Variants in ADCY6 observed in about 807,000 individuals in gnomAD.
ADCY6 encodes adenylate cyclase type 6.
Under a neutral mutation model 111.6 loss-of-function variants are expected in ADCY6, and 59 were observed. The ratio of observed to expected loss-of-function variants is 0.53; its 90% CI spans 0.43 to 0.66. The LOEUF (loss-of-function observed/expected upper bound fraction) is 0.66. ADCY6 is among the 30% of genes least tolerant of loss of function. The pLI is 0.00. For synonymous variants in ADCY6, 576 were observed against 642.9 expected, an observed-to-expected ratio of 0.90 and a Z score of 1.57; for missense variants, 1,242 against 1,595.6, an observed-to-expected ratio of 0.78 and a Z score of 3.78.
Position 48,773,540 on chromosome 12 carries a change from CA to C in ADCY6, c.2549del (p.Leu850TrpfsTer48). The part of the protein sequence containing the change: ...AMIFVLGLIY[L>X]VLLLLGPPAT... ...CTGGGGGACCCAGCAGAAGCAGCAC[CA>C]AATAGATGAGCCCCAAGACAAAGAT... On this transcript the variant is annotated frameshift_variant, in exon 16 of 22. Transcript: ENST00000357869. LOFTEE classifies it high-confidence loss of function. The C allele has an allele frequency of 6.2e-7, 1 of 1,614,086 alleles. No homozygotes were observed. Among genetic ancestry groups the C allele is most frequent in the East Asian group, 2.2e-5 (1 of 44,876 alleles).
intron 2 of ADCY6, among the ~76,000 whole-genome samples, chr12:48,778,872 ATT>A (rs1037254707): frequency 2.2e-4 from 16 of 72,412 alleles, no homozygotes; most frequent in African/African-American, 4.2e-4. Flanking sequence ...TGAATAACAC[ATT>A]TTTTTTTTTT....
rs1484139082 is a variant in ADCY6 at position 48,772,329 on chromosome 12, G to A, written c.2753C>T (p.Ser918Leu). The A allele has an allele frequency of 3.1e-6, 5 of 1,613,998 alleles. No homozygotes were observed. The highest frequency in any genetic ancestry group is 2.2e-5 in the East Asian group (1 of 44,878). The change falls in exon 18 of 22, where the codon TCG becomes TTG. Residue 918 changes from serine (S) to leucine (L), a missense_variant. Physicochemically the swap from Ser to Leu is moderately radical, Grantham distance 145 (BLOSUM62 -2). Around this residue, in one of 4 missense-constraint regions of ADCY6, gnomAD observed 245 missense variants for 371.3 expected, o/e 0.66. Transcript: ENST00000357869. The stretch of plus-strand genomic sequence containing the variant: ...CCAGAGGAAGTCTAGGCGGGCAGTC[G>A]ACTCCACCTGCTGAGCATGCAGATA... ...ALYLHAQQVESTARLDFLWKL... is the reference protein window; with the variant it reads ...ALYLHAQQVELTARLDFLWKL...
rs1292872469 is a variant in ADCY6, at chr12:48,777,383, C to A, written c.1248+27G>T. The stretch of plus-strand genomic sequence containing the variant: ...GCTCTCACCACGGTCAACACCCAGG[C>A]CCAATCCCAAGGCCCAGCACCCTCA... On this transcript the variant is annotated intron_variant, in intron 5 of 21. Coordinates refer to ENST00000357869, the MANE Select transcript of ADCY6 (RefSeq NM_015270.5). The surrounding 1 kb of genome is among the most constrained non-coding windows in gnomAD (Gnocchi z 4.9). 1.2e-6 allele frequency: 2 copies of A among 1,611,926 alleles called. No individual in the cohort carries two copies. The highest frequency in any genetic ancestry group is 2.2e-5 in the East Asian group (1 of 44,882).
At chr12:48,789,183 C>CCA (rs1379457052), upstream of ADCY6, 1 of 152,244 alleles carries the variant, frequency 6.6e-6, no homozygotes, top group African/African-American at 2.4e-5. Flanking sequence ...CTCCCCCTCC[C>CCA]CAGAAGTGGG....
chr12:48,770,808 G>C lies in ADCY6; in HGVS notation c.3214C>G (p.His1072Asp). ...TTGTTGAAGGAGTGCTCATTGATGTGCTTCATCTGCTCCATGAGCCGCATG... is the reference window on the plus strand; with the variant it reads ...TTGTTGAAGGAGTGCTCATTGATGTCCTTCATCTGCTCCATGAGCCGCATG... ...YAMRLMEQMK[H>D]INEHSFNNFQ... Residue 1072 changes from histidine to aspartate, a missense_variant, in exon 20 of 22, where the codon CAC becomes GAC. By Grantham distance (81) the His-to-Asp change is moderately conservative. Transcript: ENST00000357869. 1 of 1,614,192 alleles carries C rather than the reference G, an allele frequency of 6.2e-7. No homozygotes were observed. Among genetic ancestry groups the C allele is most frequent in the South Asian group, 1.1e-5 (1 of 91,084 alleles).
At position 48,775,013 on chromosome 12, in the gene ADCY6, G is replaced by A. The variant is rs775474139; in HGVS notation, c.2022C>T (p.Ala674=). ...KVDPRFGAYV[A]CALLVFCFIC... ...TGAAGCAGAAGACCAACAGGGCACA[G>A]GCAACGTAGGCTCCGAAGCGGGGAT... Residue 674 remains alanine, a synonymous_variant, in exon 12 of 22, where the codon GCC becomes GCT. Transcript: ENST00000357869. 68 of 1,558,182 alleles carry A rather than the reference G, an allele frequency of 4.4e-5. No individual in the cohort carries two copies. Among genetic ancestry groups the A allele is most frequent in the Non-Finnish European group, 5.6e-5 (64 of 1,150,668 alleles).
chr12:48,774,260 G>A, intron 14 of ADCY6, 142 bp downstream of exon 14: 1 of 1,075,964 alleles, frequency 9.3e-7, no homozygotes, highest in Non-Finnish European at 1.4e-6. Context: ...AACAAGGAAG[G>A]AGAACCGGAG....
At position 48,772,404 on chromosome 12, in the gene ADCY6, G is replaced by A. The variant is rs1315744797; in HGVS notation, c.2678C>T (p.Ala893Val). Residue 893 changes from alanine to valine, a missense_variant, in exon 18 of 22, where the codon GCC becomes GTC. By Grantham distance (64) the Ala-to-Val change is moderately conservative. This residue lies in a region of ADCY6 where 245 missense variants were observed against 371.3 expected (regional missense o/e 0.66). Coordinates refer to ENST00000357869, the MANE Select transcript of ADCY6 (RefSeq NM_015270.5). Reference protein sequence around the residue: ...GLDCPAAGRVALKYMTPVILL... With the variant: ...GLDCPAAGRVVLKYMTPVILL... ...AATCACAGGGGTCATATATTTGAGG[G>A]CCACCCTCCCTGCAGCTGGACTAAG... The A allele has an allele frequency of 6.2e-7, 1 of 1,614,024 alleles. No individual in the cohort carries two copies. The highest frequency in any genetic ancestry group is 1.3e-5 in the African/African-American group (1 of 74,922).
chr12:48,774,293 G>A, intron 14 of ADCY6, 109 bp downstream of exon 14: 3 of 1,206,556 alleles, frequency 2.5e-6, no homozygotes, highest in Admixed American at 1.9e-5. Flanking sequence ...TATTCTGGGA[G>A]GGGGCTCCCT....
chr12:48,774,545 G>A, intron 13 of ADCY6, 27 bp from the exon 14 acceptor site: 1 of 1,606,374 alleles, frequency 6.2e-7, no homozygotes, highest in Non-Finnish European at 8.5e-7. Flanking sequence ...ACCAAGAGTT[G>A]AAGGTTGTAT....
intron 16 of ADCY6, 107 bp downstream of exon 16, chr12:48,773,362 T>C (rs1941602238): frequency 7.8e-7 from 1 of 1,283,344 alleles, no homozygotes; most frequent in East Asian, 2.4e-5. Context: ...CACAGGGGTG[T>C]TGTGGCATTC....
chr12:48,783,267 G>A lies in ADCY6; in HGVS notation c.168C>T (p.Thr56=). ...CLRDAEPPSP[T]PAGPPRCPWQ... ...AGGGGCACCGAGGGGGGCCCGCAGGGGTGGGGCTGGGTGGCTCTGCATCCC... is the reference window on the plus strand; with the variant it reads ...AGGGGCACCGAGGGGGGCCCGCAGGAGTGGGGCTGGGTGGCTCTGCATCCC... The change falls in exon 2 of 22, where the codon ACC becomes ACT. Residue 56 remains threonine (T), a synonymous_variant. Transcript: ENST00000357869. The A allele has an allele frequency of 6.2e-7, 1 of 1,611,518 alleles. No individual in the cohort carries two copies. Among genetic ancestry groups the A allele is most frequent in the Non-Finnish European group, 8.5e-7 (1 of 1,179,326 alleles).
In ADCY6 at chr12:48,777,294, GC is replaced by G; in HGVS notation, c.1249-64del. ...CTCTCTTGCCCACCCAGCCTGCATG[GC>G]CCACCACCCTCCACGCATACTCTAT... On this transcript the variant is annotated intron_variant, in intron 5 of 21. Coordinates refer to ENST00000357869, the MANE Select transcript of ADCY6 (RefSeq NM_015270.5). The surrounding 1 kb of genome is among the most constrained non-coding windows in gnomAD (Gnocchi z 4.9). The G allele has an allele frequency of 6.3e-7, 1 of 1,593,580 alleles. No homozygotes were observed. The highest frequency in any genetic ancestry group is 8.6e-7 in the Non-Finnish European group (1 of 1,169,276).
Position 48,783,152 on chromosome 12 carries a change from C to T in ADCY6, c.283G>A (p.Glu95Lys), listed in dbSNP as rs534982652. The part of the protein sequence containing the change: ...RAVALGFEDT[E>K]VTTTAGGTAE... ...GTCCCGCCCGCTGTCGTTGTCACCTCGGTATCCTCGAAGCCCAGGGCCACT... is the reference window on the plus strand; with the variant it reads ...GTCCCGCCCGCTGTCGTTGTCACCTTGGTATCCTCGAAGCCCAGGGCCACT... Residue 95 changes from glutamate to lysine, a missense_variant, in exon 2 of 22, where the codon GAG (glutamate) becomes AAG (lysine). Transcript: ENST00000357869. 10 of 1,607,434 alleles carry T rather than the reference C, an allele frequency of 6.2e-6. 1 individual carries two copies. The highest frequency in any genetic ancestry group is 2.2e-5 in the South Asian group (2 of 91,024).
At chr12:48,773,415 C>T (rs1254198059) in intron 16 of ADCY6, 54 bp downstream of exon 16, 1 of 1,577,052 alleles carries the variant, frequency 6.3e-7, no homozygotes, top group East Asian at 2.2e-5. Flanking sequence ...TCACAGTGAC[C>T]TAGAAAGGTG....
Position 48,782,555 on chromosome 12 carries a change from C to G in ADCY6, c.864+16G>C. 6.3e-7 allele frequency: 1 copy of G among 1,598,718 alleles called. No individual in the cohort carries two copies. On this transcript the variant is annotated intron_variant, in intron 2 of 21. Coordinates refer to ENST00000357869, the MANE Select transcript of ADCY6 (RefSeq NM_015270.5). The surrounding 1 kb of genome is among the most constrained non-coding windows in gnomAD (Gnocchi z 4.3). ...CCCACCTGCTGCCCTCCATCCCTAC[C>G]TCCCTGGCCACCTACCTGCTTCCAG...
rs1422366561 is a variant in ADCY6 at position 48,768,688 on chromosome 12, G to T, written c.3410C>A (p.Ala1137Asp). The T allele has an allele frequency of 9.3e-6, 15 of 1,614,076 alleles. No homozygotes were observed. Among genetic ancestry groups the T allele is most frequent in the Non-Finnish European group, 1.3e-5 (15 of 1,180,030 alleles). The part of the protein sequence containing the change: ...QVTTDLYQVL[A>D]AKGYQLECRG... ...ACACTCCAGCTGGTAGCCCTTGGCA[G>T]CTAGAACCTGGTACAGGTCCGTGGT... is the stretch of plus-strand genomic sequence containing the variant. The change falls in exon 22 of 22, where the codon GCT becomes GAT. Residue 1137 changes from alanine to aspartate, a missense_variant. Coordinates refer to ENST00000357869, the MANE Select transcript of ADCY6 (RefSeq NM_015270.5).
In ADCY6 at chr12:48,777,262, ACCTTTACTCTC is replaced by A; in HGVS notation, c.1249-42_1249-32del. On this transcript the variant is annotated intron_variant, in intron 5 of 21. Transcript: ENST00000357869. This position sits in a 1 kb window ranked among gnomAD's most constrained non-coding sequence, Gnocchi z 4.9. ...TGGGAAGGAATTGGAGGGAAGGGTA[ACCTTTACTCTC>A]TTGCCCACCCAGCCTGCATGGCCCA... 1 of 1,603,586 alleles carries A rather than the reference ACCTTTACTCTC, an allele frequency of 6.2e-7. No homozygotes were observed. Among genetic ancestry groups the A allele is most frequent in the Non-Finnish European group, 8.5e-7 (1 of 1,174,530 alleles).
Position 48,777,027 on chromosome 12 carries a change from C to T in ADCY6, c.1376+77G>A. 6.6e-7 allele frequency: 1 copy of T among 1,512,874 alleles called. No homozygotes were observed. Among genetic ancestry groups the T allele is most frequent in the Non-Finnish European group, 8.8e-7 (1 of 1,130,270 alleles). 93.7% of individuals were successfully genotyped at this position (1,512,874 alleles called of 1,614,324 possible). The stretch of plus-strand genomic sequence containing the variant: ...AGAAAGCCAAAACTGAGGAAATCTC[C>T]TGAGGTCTCATCAAAAAGTAGGAGC... On this transcript the variant is annotated intron_variant, in intron 6 of 21. Coordinates refer to ENST00000357869, the MANE Select transcript of ADCY6 (RefSeq NM_015270.5). The surrounding 1 kb of genome is among the most constrained non-coding windows in gnomAD (Gnocchi z 4.9).
Sources: allele counts gnomAD v4.1 joint callset (sites outside exome capture counted in the v4.1 genomes callset), GRCh38; gene constraint gnomAD v4.1.1; regional missense constraint gnomAD v4.1.1; non-coding constraint Gnocchi (gnomAD v3.1); transcripts MANE v1.5; gene names NCBI Gene and HGNC (gene_info 2026-07-23, HGNC 2026-07-21).